The following AGAP9 variants were observed in gnomAD, a reference collection of about 807,000 sequenced individuals.
AGAP9 encodes arf-GAP with GTPase, ANK repeat and PH domain-containing protein 9.
A neutral mutation model predicts 55.6 loss-of-function variants in AGAP9; 23 were observed. The ratio of observed to expected loss-of-function variants is 0.41; its 90% CI spans 0.30 to 0.59. The LOEUF is 0.59. Ranked by LOEUF, AGAP9 falls within the 20% of genes least tolerant of loss-of-function variation. The pLI, the probability that AGAP9 is intolerant of heterozygous loss-of-function variation, is 0.25. For synonymous variants in AGAP9, 120 were observed against 305.0 expected (o/e 0.39, Z 6.32); for missense variants, 309 against 808.1 (o/e 0.38, Z 7.49).
In AGAP9 at chr10:47,502,359, C is replaced by G. The variant is rs4013548; in HGVS notation, c.1770G>C (p.Gln590His). ...LPCTELSLGQ[Q>H]LLRATTDEDL... is the part of the protein sequence containing the mutation. ...CCTCATCAGTGGTGGCCCGCAGCAG[C>G]TGCTGGCCCAGGGACAGCTCAGTGC... Residue 590 changes from glutamine (Q) to histidine (H), a missense_variant, in exon 8 of 8, where the codon CAG (glutamine) becomes CAC (histidine). Gln to His is a conservative substitution (Grantham distance 24). Coordinates refer to ENST00000452145, the MANE Select transcript of AGAP9 (RefSeq NM_001190810.1). 2.5e-6 allele frequency: 4 copies of G among 1,608,416 alleles called. No individual in the cohort carries two copies. The highest frequency in any genetic ancestry group is 2.3e-5 in the East Asian group (1 of 44,306).
At position 47,502,143 on chromosome 10, in the gene AGAP9, G is replaced by A. The variant is rs1321433174; in HGVS notation, c.*9C>T. On this transcript the variant is annotated 3_prime_UTR_variant, in exon 8 of 8. Coordinates refer to ENST00000452145, the MANE Select transcript of AGAP9 (RefSeq NM_001190810.1). ...ATGCACTCCTGGCTGGAGGCCTGCC[G>A]GGCGTAGGTCAGCGCTGTGTTCCCG... The A allele has an allele frequency of 6.4e-5, 101 of 1,570,616 alleles. 8 individuals are homozygous for A. Among genetic ancestry groups the A allele is most frequent in the South Asian group, 5.7e-4 (51 of 89,378 alleles).
At position 47,503,217 on chromosome 10, in the gene AGAP9, G is replaced by A. The variant is rs1459410223; in HGVS notation, c.912C>T (p.Tyr304=). 1.0e-5 allele frequency: 16 copies of A among 1,589,770 alleles called. No individual in the cohort carries two copies. Among genetic ancestry groups the A allele is most frequent in the Admixed American group, 6.9e-5 (4 of 58,384 alleles). Residue 304 remains tyrosine (Y), a synonymous_variant, in exon 8 of 8, where the codon TAC becomes TAT. Transcript: ENST00000452145. ...GKWLKTWKKK[Y]VTLCSNGVLT... ...GCACGCCATTGGAACACAGGGTGAC[G>A]TATTTCTTTTTCCATGTCTTCAGCC...
Position 47,511,072 on chromosome 10 carries a change from TAG to T in AGAP9, c.397-803_397-802del, listed in dbSNP as rs1474624217. On this transcript the variant is annotated intron_variant, in intron 4 of 7. Transcript: ENST00000452145. ...CATTCTCCTGACTCAGCCTCCTGAG[TAG>T]CTGGGACTACAGGCGCCCACCACCA... 2.8e-3 allele frequency among the ~76,000 whole-genome samples: 349 copies of T among 124,204 alleles called. 5 individuals carry two copies. The highest frequency in any genetic ancestry group is 0.011 in the African/African-American group (331 of 30,494). 81.5% of individuals were successfully genotyped at this position (124,204 alleles called of 152,430 possible).
intron 2 of AGAP9, among the ~76,000 whole-genome samples, chr10:47,521,490 C>T (rs1299494554): frequency 1.4e-5 from 2 of 139,758 alleles, no homozygotes; most frequent in Non-Finnish European, 3.1e-5. Context: ...ATTAAGAGCC[C>T]AACCAAAGTT....
chr10:47,510,877 A>AT (rs1164898573), intron 4 of AGAP9, among the ~76,000 whole-genome samples: 1 of 129,134 alleles, frequency 7.7e-6, no homozygotes, highest in Non-Finnish European at 1.6e-5. Flanking sequence ...GAGATTTCAT[A>AT]TTTTTTTCTA....
Position 47,503,176 on chromosome 10 carries a change from C to T in AGAP9, c.953G>A (p.Ser318Asn). 1 of 1,606,406 alleles carries T rather than the reference C, an allele frequency of 6.2e-7. No homozygotes were observed. Among genetic ancestry groups the T allele is most frequent in the East Asian group, 2.3e-5 (1 of 43,886 alleles). The stretch of plus-strand genomic sequence containing the variant: ...AATATTCTTCATATAATCACCTAAG[C>T]TTGAATAATAGGTGAGCACGCCATT... The part of the protein sequence containing the change: ...CSNGVLTYYS[S>N]LGDYMKNIHK... Residue 318 changes from serine to asparagine, a missense_variant, in exon 8 of 8, where the codon AGC becomes AAC. Physicochemically the swap from Ser to Asn is conservative, Grantham distance 46. Coordinates refer to ENST00000452145, the MANE Select transcript of AGAP9 (RefSeq NM_001190810.1).
chr10:47,507,586 G>A lies in AGAP9; in HGVS notation c.498-3C>T, dbSNP rs1467523740. ...GATGAGGTATCTCCAAGGTCACACTGTGGAAGGAAAACAAATTCATAACAA... is the reference window on the plus strand; with the variant it reads ...GATGAGGTATCTCCAAGGTCACACTATGGAAGGAAAACAAATTCATAACAA... On this transcript the variant is annotated splice_region_variant and splice_polypyrimidine_tract_variant and intron_variant, in intron 5 of 7. Transcript: ENST00000452145. 17 of 1,530,602 alleles carry A rather than the reference G, an allele frequency of 1.1e-5. 1 individual carries two copies. Among genetic ancestry groups the A allele is most frequent in the Non-Finnish European group, 1.5e-5 (17 of 1,141,284 alleles). 94.8% of individuals were successfully genotyped at this position (1,530,602 alleles called of 1,614,324 possible). A position where few individuals can be genotyped will look rare whatever the true frequency, so the allele number is the denominator to read the frequency against.
In AGAP9 at chr10:47,502,195, C is replaced by T. The variant is rs1185898473; in HGVS notation, c.1934G>A (p.Gly645Glu). Residue 645 changes from glycine to glutamate, a missense_variant, in exon 8 of 8, where the codon GGG (glycine) becomes GAG (glutamate). By Grantham distance (98) the Gly-to-Glu change is moderately conservative. Transcript: ENST00000452145. ...GGGCATCTCGGGCCATGACGTCCAC[C>T]CCGTCAGGAGCTGCTCCAGGACCAC... ...GNVVLEQLLT[G>E]WTSWPEMPTG... 6.5e-7 allele frequency: 1 copy of T among 1,541,430 alleles called. No individual in the cohort carries two copies. The highest frequency in any genetic ancestry group is 1.4e-5 in the African/African-American group (1 of 69,392).
chr10:47,502,009 T>C lies in AGAP9; in HGVS notation c.*143A>G. ...AATTTGTGATTTCCTTTTGAAATTC[T>C]GAGTTATCCTTATTTTTCCCATTTT... On this transcript the variant is annotated 3_prime_UTR_variant, in exon 8 of 8. Coordinates refer to ENST00000452145, the MANE Select transcript of AGAP9 (RefSeq NM_001190810.1). 1 of 1,369,896 alleles carries C rather than the reference T, an allele frequency of 7.3e-7. No homozygotes were observed. The highest frequency in any genetic ancestry group is 1.0e-6 in the Non-Finnish European group (1 of 1,000,654). 84.9% of individuals were successfully genotyped at this position (1,369,896 alleles called of 1,614,324 possible). A position where few individuals can be genotyped will look rare whatever the true frequency, so the allele number is the denominator to read the frequency against.
Position 47,502,243 on chromosome 10 carries a change from T to C in AGAP9, c.1886A>G (p.His629Arg). ...CGEGDGCTAL[H>R]LACRKGNVVL... is the part of the protein sequence containing the mutation. ...CACATTCCCCTTGCGGCAGGCCAGA[T>C]GGAGTGCCGTGCAGCCGTCTCCCTC... Residue 629 changes from histidine (H) to arginine (R), a missense_variant, in exon 8 of 8, where the codon CAT becomes CGT. Physicochemically the swap from His to Arg is conservative, Grantham distance 29 (BLOSUM62 0). Transcript: ENST00000452145. 1.9e-6 allele frequency: 3 copies of C among 1,591,584 alleles called. No homozygotes were observed. The highest frequency in any genetic ancestry group is 8.5e-7 in the Non-Finnish European group (1 of 1,173,306).
chr10:47,507,864 T>C (rs1256238609), intron 5 of AGAP9, among the ~76,000 whole-genome samples: 63 of 98,668 alleles, frequency 6.4e-4, no homozygotes, highest in East Asian at 1.2e-3. Context: ...TTTCTACCGA[T>C]GAAACCTTTC....
chr10:47,514,164 CA>C (rs1189747787), intron 4 of AGAP9, among the ~76,000 whole-genome samples: 1 of 143,444 alleles, frequency 7.0e-6, no homozygotes, highest in African/African-American at 2.6e-5. Flanking sequence ...ATGAGGAACT[CA>C]AACAAATTAC....
At position 47,523,470 on chromosome 10, in the gene AGAP9, CT is replaced by C. The variant is rs1840893131; in HGVS notation, c.56del (p.Gln19ArgfsTer36). On this transcript the variant is annotated frameshift_variant, in exon 1 of 8. Coordinates refer to ENST00000452145, the MANE Select transcript of AGAP9 (RefSeq NM_001190810.1). LOFTEE classifies it high-confidence loss of function. ...VHPSVSLEFD[Q>X]QQGSVCPSES... ...CAGAGGGACACACCGACCCCTGCTG[CT>C]GGTCAAACTCGAGGCTGACGCTAGG... 6.3e-7 allele frequency: 1 copy of C among 1,581,166 alleles called. No homozygotes were observed. Among genetic ancestry groups the C allele is most frequent in the Admixed American group, 1.7e-5 (1 of 58,044 alleles).
In AGAP9 at chr10:47,502,678, G is replaced by T. The variant is rs1350096039; in HGVS notation, c.1451C>A (p.Thr484Asn). 1.2e-6 allele frequency: 2 copies of T among 1,608,284 alleles called. No homozygotes were observed. The highest frequency in any genetic ancestry group is 2.7e-5 in the African/African-American group (2 of 73,854). ...CAAACTGGCCCACTTAGGATTCTGG[G>T]TCTCACAGTCCACACAGTGGGCGTT... The part of the protein sequence containing the change: ...RGNAHCVDCE[T>N]QNPKWASLNL... The change falls in exon 8 of 8, where the codon ACC (threonine) becomes AAC (asparagine). Residue 484 changes from threonine to asparagine, a missense_variant. Physicochemically the swap from Thr to Asn is moderately conservative, Grantham distance 65 (BLOSUM62 0). Transcript: ENST00000452145.
intron 2 of AGAP9, among the ~76,000 whole-genome samples, chr10:47,522,320 C>A (rs1191640825): frequency 1.4e-5 from 2 of 147,178 alleles, no homozygotes; most frequent in African/African-American, 2.6e-5. Context: ...TGTTAAGTCA[C>A]CAGAATAAAT....
chr10:47,506,825 G>C (rs1840489461), intron 6 of AGAP9, among the ~76,000 whole-genome samples: 1 of 140,170 alleles, frequency 7.1e-6, no homozygotes, highest in East Asian at 2.9e-4. Context: ...ATTTTTAGTA[G>C]AGACGGGGTT....
intron 4 of AGAP9, among the ~76,000 whole-genome samples, chr10:47,516,302 TAGAG>T (rs1338351252): frequency 1.2e-5 from 1 of 85,984 alleles, no homozygotes; most frequent in Non-Finnish European, 2.2e-5. Flanking sequence ...TTCAGAACCT[TAGAG>T]AGAGAGATTC....
chr10:47,503,234 T>A lies in AGAP9; in HGVS notation c.895A>T (p.Thr299Ser). 6.5e-7 allele frequency: 1 copy of A among 1,545,590 alleles called. No individual in the cohort carries two copies. The highest frequency in any genetic ancestry group is 8.7e-7 in the Non-Finnish European group (1 of 1,143,028). Residue 299 changes from threonine (T) to serine (S), a missense_variant, in exon 8 of 8, where the codon ACA becomes TCA. Physicochemically the swap from Thr to Ser is moderately conservative, Grantham distance 58. Transcript: ENST00000452145. ...LLKRSGKWLK[T>S]WKKKYVTLCS... is the part of the protein sequence containing the mutation. ...AGGGTGACGTATTTCTTTTTCCATG[T>A]CTTCAGCCATTTTCCACTTCGCTTT...
At chr10:47,520,267 AAATT>A (rs1216161283) in intron 3 of AGAP9, among the ~76,000 whole-genome samples, 1 of 29,346 alleles carries the variant, frequency 3.4e-5, no homozygotes, top group Non-Finnish European at 6.0e-5. Flanking sequence ...AACACATGAC[AAATT>A]AATTGTGTTG....
Sources: allele counts gnomAD v4.1 joint callset (sites outside exome capture counted in the v4.1 genomes callset), GRCh38; gene constraint gnomAD v4.1.1; transcripts MANE v1.5; gene names NCBI Gene and HGNC (gene_info 2026-07-23, HGNC 2026-07-21).